The following MOB3B variants were observed in gnomAD, a reference collection of about 807,000 sequenced individuals.
MOB3B encodes MOB kinase activator 3B.
MOB3B carries 7 observed loss-of-function variants against 18.7 expected under a neutral mutation model. The observed-to-expected ratio is 0.37, with a 90% confidence interval of 0.21 to 0.70. The LOEUF is 0.70. MOB3B is among the 30% of genes least tolerant of loss of function. The probability of loss-of-function intolerance (pLI) is 0.52; values close to 1 mark genes in which losing one functional copy is unlikely to be tolerated. For synonymous variants in MOB3B, 111 were observed against 99.9 expected, an observed-to-expected ratio of 1.11 and a Z score of -0.66; for missense variants, 253 against 281.3, an observed-to-expected ratio of 0.90 and a Z score of 0.72.
chr9:27,455,543 A>G lies in MOB3B; in HGVS notation c.8T>C (p.Ile3Thr). 1 of 1,614,162 alleles carries G rather than the reference A, an allele frequency of 6.2e-7. No individual in the cohort carries two copies. Residue 3 changes from isoleucine (I) to threonine (T), a missense_variant, in exon 2 of 4, where the codon ATA becomes ACA. Transcript: ENST00000262244. MS[I>T]ALKQVFNKDK... ...CTTGTTGAATACCTGCTTCAGGGCT[A>G]TGGACATGGTCTTCTCTTTCGCTTC...
At chr9:27,433,003 GA>G (rs1822438799) in intron 2 of MOB3B, among the ~76,000 whole-genome samples, 1 of 151,880 alleles carries the variant, frequency 6.6e-6, no homozygotes. Flanking sequence ...CTTTTCTCTT[GA>G]GAATATTATC....
chr9:27,426,686 C>G (rs78865590), intron 2 of MOB3B, among the ~76,000 whole-genome samples: 1,743 of 152,314 alleles, frequency 0.011, 34 homozygotes, highest in African/African-American at 0.039. Context: ...CACTGTCCCC[C>G]CCTGCCCGAC....
chr9:27,508,498 A>G (rs2131499404), intron 1 of MOB3B, among the ~76,000 whole-genome samples: 1 of 152,292 alleles, frequency 6.6e-6, no homozygotes, highest in South Asian at 2.1e-4. Context: ...TTCCAGAAAA[A>G]ATAAACTCAG....
chr9:27,354,128 G>A (rs1821149915), intron 3 of MOB3B, among the ~76,000 whole-genome samples: 1 of 152,228 alleles, frequency 6.6e-6, no homozygotes, highest in African/African-American at 2.4e-5. Context: ...TGAACAGCAG[G>A]TCCCAATGGG....
intron 1 of MOB3B, among the ~76,000 whole-genome samples, chr9:27,511,943 C>T (rs77671777): frequency 0.032 from 4,800 of 152,272 alleles, 101 homozygotes; most frequent in Middle Eastern, 0.065. Flanking sequence ...TGGCATCCCT[C>T]GCACTTAGCT....
At chr9:27,500,478 A>T (rs1351410809) in intron 1 of MOB3B, among the ~76,000 whole-genome samples, 2 of 152,214 alleles carry the variant, frequency 1.3e-5, no homozygotes, top group Non-Finnish European at 2.9e-5. Flanking sequence ...GACAAACCTG[A>T]CAAAAACAAG....
chr9:27,455,648 C>A lies in MOB3B; in HGVS notation c.-98G>T. 1.3e-6 allele frequency: 2 copies of A among 1,573,180 alleles called. No individual in the cohort carries two copies. Among genetic ancestry groups the A allele is most frequent in the African/African-American group, 1.4e-5 (1 of 73,850 alleles). ...GCCCAACAGTGTTTTCCACTGCCAG[C>A]ACTCAGGCCCCAGTCTTACAGCCTG... On this transcript the variant is annotated 5_prime_UTR_variant, in exon 2 of 4. Transcript: ENST00000262244.
At chr9:27,440,384 T>A (rs1438555384) in intron 2 of MOB3B, among the ~76,000 whole-genome samples, 6 of 152,154 alleles carry the variant, frequency 3.9e-5, no homozygotes, top group African/African-American at 1.4e-4. Context: ...TCCTTCTTTT[T>A]TTTTTTTTTC....
At chr9:27,427,060 C>T (rs965282523) in intron 2 of MOB3B, among the ~76,000 whole-genome samples, 1 of 152,210 alleles carries the variant, frequency 6.6e-6, no homozygotes, top group Non-Finnish European at 1.5e-5. Context: ...GCTACATGCT[C>T]TCCTGAAAGC....
chr9:27,435,515 C>T (rs780513621), intron 2 of MOB3B, among the ~76,000 whole-genome samples: 1 of 152,146 alleles, frequency 6.6e-6, no homozygotes, highest in Non-Finnish European at 1.5e-5. Context: ...TTTTAACATT[C>T]AAGTCTTAAC....
intron 1 of MOB3B, among the ~76,000 whole-genome samples, chr9:27,516,242 T>A (rs557806272): frequency 9.8e-5 from 15 of 152,306 alleles, no homozygotes; most frequent in African/African-American, 3.6e-4. Context: ...CCACCTAAGT[T>A]ATGGTGATTT....
rs924313318 is a variant in MOB3B at position 27,478,742 on chromosome 9, T to G, written c.-198-22994A>C. ...TACTGAAATGATAAAAGCTGAGAAT[T>G]TAATAGCATTAAAGCAATACATATG... On this transcript the variant is annotated intron_variant, in intron 1 of 3. Transcript: ENST00000262244. Among the ~76,000 whole-genome samples, 6 of 150,318 alleles carry G rather than the reference T, an allele frequency of 4.0e-5. No homozygotes were observed. In the South Asian group the frequency reaches 1.0e-3, roughly 26 times the overall value.
At chr9:27,349,040 C>A (rs530572112) in intron 3 of MOB3B, among the ~76,000 whole-genome samples, 1 of 145,752 alleles carries the variant, frequency 6.9e-6, no homozygotes, top group Non-Finnish European at 1.5e-5. Context: ...GAGCTATCTG[C>A]ATATCTCTTT....
At chr9:27,347,735 T>G (rs554473499) in intron 3 of MOB3B, among the ~76,000 whole-genome samples, 5 of 152,228 alleles carry the variant, frequency 3.3e-5, no homozygotes, top group Non-Finnish European at 5.9e-5. Flanking sequence ...ATTTTTTATC[T>G]TTCACACTGT....
chr9:27,474,234 T>A (rs1366674079), intron 1 of MOB3B, among the ~76,000 whole-genome samples: 1 of 152,186 alleles, frequency 6.6e-6, no homozygotes, highest in Non-Finnish European at 1.5e-5. Flanking sequence ...ATAATTTATA[T>A]TTCCTCCAAC....
intron 3 of MOB3B, among the ~76,000 whole-genome samples, chr9:27,351,762 CCAAGCAACT>C (rs1260947408): frequency 2.6e-5 from 4 of 152,166 alleles, no homozygotes; most frequent in African/African-American, 9.7e-5. Context: ...CTGCACTCAC[CCAAGCAACT>C]CTGAGAGAAG....
intron 2 of MOB3B, among the ~76,000 whole-genome samples, chr9:27,372,265 C>A (rs1217944956): frequency 2.0e-5 from 3 of 152,106 alleles, no homozygotes; most frequent in Non-Finnish European, 2.9e-5. Context: ...CAAACTGGAA[C>A]AATCTGAGCA....
At chr9:27,514,521 A>G (rs557321748) in intron 1 of MOB3B, among the ~76,000 whole-genome samples, 87 of 152,340 alleles carry the variant, frequency 5.7e-4, no homozygotes, top group Non-Finnish European at 1.1e-3. Context: ...TTGTTTTCCC[A>G]GTTCTGACTG....
intron 1 of MOB3B, among the ~76,000 whole-genome samples, chr9:27,497,583 T>C (rs1587258933): frequency 6.6e-6 from 1 of 151,996 alleles, no homozygotes; most frequent in African/African-American, 2.4e-5. Flanking sequence ...CAGGTGATTT[T>C]AATTTCTTTT....
Sources: allele counts gnomAD v4.1 joint callset (sites outside exome capture counted in the v4.1 genomes callset), GRCh38; gene constraint gnomAD v4.1.1; transcripts MANE v1.5; gene names NCBI Gene and HGNC (gene_info 2026-07-23, HGNC 2026-07-21).